The following C8orf74 variants were observed in gnomAD, a reference collection of about 807,000 sequenced individuals.
C8orf74 encodes uncharacterized protein C8orf74.
C8orf74 carries 29 observed loss-of-function variants against 22.2 expected under a neutral mutation model. The observed-to-expected ratio is 1.31, with a 90% CI of 0.97 to 1.78. C8orf74 has a LOEUF of 1.78. C8orf74 is among the 40% of genes most tolerant of loss of function. C8orf74 has a pLI of 0.00. For synonymous variants in C8orf74, 255 were observed against 163.1 expected, an observed-to-expected ratio of 1.56 and a Z score of -4.30; for missense variants, 515 against 369.9, an observed-to-expected ratio of 1.39 and a Z score of -3.22.
intron 2 of C8orf74, among the ~76,000 whole-genome samples, chr8:10,685,876 TGGC>T (rs2129057408): frequency 6.6e-6 from 1 of 152,304 alleles, no homozygotes; most frequent in African/African-American, 2.4e-5. Context: ...GAGACCATCC[TGGC>T]TAACACGGTG....
intron 1 of C8orf74, 43 bp from the exon 2 acceptor site, chr8:10,674,603 A>AC: frequency 6.9e-7 from 1 of 1,453,534 alleles, no homozygotes; most frequent in African/African-American, 1.4e-5. Flanking sequence ...ATGCCCTGCA[A>AC]CCCCCACATC....
At chr8:10,678,082 A>G (rs778860181) in intron 2 of C8orf74, among the ~76,000 whole-genome samples, 1 of 152,176 alleles carries the variant, frequency 6.6e-6, no homozygotes, top group African/African-American at 2.4e-5. Flanking sequence ...TAATACAAAC[A>G]TGGACTCGAA....
chr8:10,683,129 G>T (rs533073143), intron 2 of C8orf74, among the ~76,000 whole-genome samples: 26 of 152,238 alleles, frequency 1.7e-4, no homozygotes, highest in Non-Finnish European at 3.4e-4. Flanking sequence ...TGGCGAGTGG[G>T]CCAGGGCTGC....
intron 1 of C8orf74, among the ~76,000 whole-genome samples, chr8:10,674,239 C>A (rs1434371455): frequency 7.2e-6 from 1 of 138,084 alleles, no homozygotes; most frequent in Non-Finnish European, 1.5e-5. Flanking sequence ...CCATATCATA[C>A]CCCACAACCC....
intron 2 of C8orf74, among the ~76,000 whole-genome samples, chr8:10,678,771 C>T (rs1001275494): frequency 3.9e-5 from 6 of 152,116 alleles, no homozygotes; most frequent in African/African-American, 7.2e-5. Flanking sequence ...GGAGTGCAGC[C>T]GCAGCACCCC....
chr8:10,695,168 TG>T (rs1449787293), intron 2 of C8orf74, among the ~76,000 whole-genome samples: 2 of 152,198 alleles, frequency 1.3e-5, no homozygotes, highest in Non-Finnish European at 2.9e-5. Context: ...TATTGATTGC[TG>T]GCTTGTATTA....
At chr8:10,683,801 G>A (rs903956865) in intron 2 of C8orf74, among the ~76,000 whole-genome samples, 1 of 152,248 alleles carries the variant, frequency 6.6e-6, no homozygotes, top group African/African-American at 2.4e-5. Context: ...GCCCTCAGCT[G>A]TGAGACTGAT....
chr8:10,674,777 C>A lies in C8orf74; in HGVS notation c.180C>A (p.Phe60Leu). The A allele has an allele frequency of 6.2e-7, 1 of 1,607,114 alleles. No homozygotes were observed. Among genetic ancestry groups the A allele is most frequent in the Non-Finnish European group, 8.5e-7 (1 of 1,176,884 alleles). The change falls in exon 2 of 4, where the codon TTC becomes TTA. Residue 60 changes from phenylalanine to leucine, a missense_variant. Phe to Leu is a conservative substitution (Grantham distance 22). Coordinates refer to ENST00000304519, the MANE Select transcript of C8orf74 (RefSeq NM_001040032.2). The part of the protein sequence containing the change: ...ESIIFAVGKG[F>L]PWVEVAQVVK... ...TCATCTTTGCAGTGGGCAAAGGCTT[C>A]CCATGGGTGGAGGTGGCCCAGGTGG... is the stretch of plus-strand genomic sequence containing the variant.
At chr8:10,699,312 G>A (rs1240824869) in intron 3 of C8orf74, among the ~76,000 whole-genome samples, 1 of 152,206 alleles carries the variant, frequency 6.6e-6, no homozygotes, top group Non-Finnish European at 1.5e-5. Flanking sequence ...CCTGAGATGG[G>A]GCACTCAAGG....
chr8:10,687,472 A>AAACCCCC (rs1242006930), intron 2 of C8orf74, among the ~76,000 whole-genome samples: 1 of 152,052 alleles, frequency 6.6e-6, no homozygotes, highest in Non-Finnish European at 1.5e-5. Context: ...CAACATGGCA[A>AAACCCCC]AACCCCCATC....
chr8:10,682,098 A>G (rs1428463362), intron 2 of C8orf74, among the ~76,000 whole-genome samples: 1 of 152,110 alleles, frequency 6.6e-6, no homozygotes, highest in Non-Finnish European at 1.5e-5. Context: ...CCAGCCTCTC[A>G]AGACCCCTGA....
At chr8:10,696,123 G>T (rs1317263929) in intron 2 of C8orf74, among the ~76,000 whole-genome samples, 1 of 152,008 alleles carries the variant, frequency 6.6e-6, no homozygotes, top group Non-Finnish European at 1.5e-5. Context: ...ATGTAATTCA[G>T]TCACGACCCT....
chr8:10,673,155 C>G (rs1369869499), intron 1 of C8orf74, among the ~76,000 whole-genome samples: 1 of 152,100 alleles, frequency 6.6e-6, no homozygotes, highest in African/African-American at 2.4e-5. Flanking sequence ...CTAAGGCCAC[C>G]ATTGGTCCTC....
chr8:10,687,655 A>C (rs1245998917), intron 2 of C8orf74, among the ~76,000 whole-genome samples: 40 of 152,032 alleles, frequency 2.6e-4, no homozygotes, highest in Non-Finnish European at 1.5e-5. Flanking sequence ...ATTGTATTAG[A>C]AAAACTGCTT....
chr8:10,679,202 C>G (rs1799095893), intron 2 of C8orf74, among the ~76,000 whole-genome samples: 1 of 152,116 alleles, frequency 6.6e-6, no homozygotes, highest in African/African-American at 2.4e-5. Flanking sequence ...TCATTTATGG[C>G]CCTGGAACGG....
chr8:10,675,280 G>C (rs2129056042), intron 2 of C8orf74, among the ~76,000 whole-genome samples: 1 of 152,364 alleles, frequency 6.6e-6, no homozygotes, highest in Admixed American at 6.5e-5. Flanking sequence ...ATGCAGTCAG[G>C]TGGGTGCATG....
At position 10,685,939 on chromosome 8, in the gene C8orf74, T is replaced by A. The variant is rs558061335; in HGVS notation, c.241+11101T>A. On this transcript the variant is annotated intron_variant, in intron 2 of 3. Coordinates refer to ENST00000304519, the MANE Select transcript of C8orf74 (RefSeq NM_001040032.2). The stretch of plus-strand genomic sequence containing the variant: ...AAAAAATTAGCTGGGCATGGTGACA[T>A]GTGCCTGTAGTCCCAACTACTCAGG... Among the ~76,000 whole-genome samples the A allele has an allele frequency of 3.3e-5, 5 of 152,124 alleles. No homozygotes were observed. In the South Asian group the frequency reaches 1.0e-3, roughly 32 times the overall value.
intron 2 of C8orf74, among the ~76,000 whole-genome samples, chr8:10,676,300 C>T (rs761524715): frequency 1.3e-5 from 2 of 152,090 alleles, no homozygotes; most frequent in Non-Finnish European, 2.9e-5. Context: ...ACACAAGGCG[C>T]CATCCTTAAG....
chr8:10,678,057 C>T (rs150421756), intron 2 of C8orf74, among the ~76,000 whole-genome samples: 4 of 152,294 alleles, frequency 2.6e-5, no homozygotes, highest in South Asian at 2.1e-4. Flanking sequence ...CATCTGAAAG[C>T]GTGTGAGGCA....
Sources: allele counts gnomAD v4.1 joint callset (sites outside exome capture counted in the v4.1 genomes callset), GRCh38; gene constraint gnomAD v4.1.1; transcripts MANE v1.5; gene names NCBI Gene and HGNC (gene_info 2026-07-23, HGNC 2026-07-21).